Variants in AGBL4 observed in about 807,000 individuals in gnomAD.
The protein encoded by AGBL4 is cytosolic carboxypeptidase 6.
AGBL4 carries 58 observed loss-of-function variants against 66.4 expected under a neutral mutation model. The ratio of observed to expected loss-of-function variants is 0.87; its 90% confidence interval spans 0.71 to 1.09. The LOEUF (loss-of-function observed/expected upper bound fraction) is 1.09. Among genes scored for constraint, AGBL4 ranks in the 50% least tolerant of loss-of-function variants. The pLI is 0.00. For missense variants in AGBL4, 579 were observed against 631.0 expected (o/e 0.92, Z 0.88); for synonymous variants, 234 against 222.9 (o/e 1.05, Z -0.44).
At chr1:49,539,349 A>G (rs896845677) in intron 3 of AGBL4, among the ~76,000 whole-genome samples, 7 of 152,284 alleles carry the variant, frequency 4.6e-5, no homozygotes, top group African/African-American at 1.4e-4. Context: ...TTAATTTCAG[A>G]AATTAGTTTT....
At chr1:49,659,743 T>C (rs1346429608) in intron 3 of AGBL4, among the ~76,000 whole-genome samples, 1 of 152,148 alleles carries the variant, frequency 6.6e-6, no homozygotes, top group Admixed American at 6.6e-5. Context: ...ATTCAAGACT[T>C]GAACTCAGCT....
chr1:49,172,706 CT>C (rs1308570259), intron 4 of AGBL4, among the ~76,000 whole-genome samples: 1 of 152,110 alleles, frequency 6.6e-6, no homozygotes, highest in Non-Finnish European at 1.5e-5. Context: ...AAGATGATGT[CT>C]AAAAGACCAT....
At position 48,593,467 on chromosome 1, in the gene AGBL4, C is replaced by T. The variant is rs181542329; in HGVS notation, c.952-2482G>A. On this transcript the variant is annotated intron_variant, in intron 9 of 13. Transcript: ENST00000371839. ...TACACAATTGTATGTAAAATAAATT[C>T]CTGGCTGGGTGCAGTGGCTCATGCC... is the stretch of plus-strand genomic sequence containing the variant. 3.1e-3 allele frequency among the ~76,000 whole-genome samples: 465 copies of T among 152,190 alleles called. 1 individual carries two copies. The highest frequency in any genetic ancestry group is 7.5e-3 in the South Asian group (36 of 4,830).
At chr1:49,004,720 G>A (rs1045960255) in intron 5 of AGBL4, among the ~76,000 whole-genome samples, 4 of 152,186 alleles carry the variant, frequency 2.6e-5, no homozygotes, top group African/African-American at 9.7e-5. Flanking sequence ...TCTTCCTGAG[G>A]AATTAGTGGA....
chr1:49,738,367 C>T (rs1650087011), intron 2 of AGBL4, among the ~76,000 whole-genome samples: 1 of 152,222 alleles, frequency 6.6e-6, no homozygotes, highest in African/African-American at 2.4e-5. Flanking sequence ...GAGGGGCGCT[C>T]ACCATTGCCC....
intron 2 of AGBL4, among the ~76,000 whole-genome samples, chr1:49,821,511 T>C (rs1266882822): frequency 6.6e-6 from 1 of 152,158 alleles, no homozygotes; most frequent in Admixed American, 6.6e-5. Context: ...GTCCTAAGGA[T>C]GATGTGGGAA....
chr1:48,856,171 A>G (rs1416090598), intron 6 of AGBL4, among the ~76,000 whole-genome samples: 2 of 152,202 alleles, frequency 1.3e-5, no homozygotes, highest in Admixed American at 1.3e-4. Context: ...GTGTTTCTCA[A>G]AATTTGTACA....
At chr1:49,096,239 T>C (rs879341476) in intron 4 of AGBL4, among the ~76,000 whole-genome samples, 123 of 152,090 alleles carry the variant, frequency 8.1e-4, no homozygotes, top group Admixed American at 1.2e-3. Context: ...ACACTGTTGG[T>C]GGGACTGTAA....
chr1:48,643,909 C>T (rs1645796761), intron 8 of AGBL4, among the ~76,000 whole-genome samples: 1 of 152,120 alleles, frequency 6.6e-6, no homozygotes, highest in Admixed American at 6.6e-5. Context: ...TCCTTTTCTG[C>T]TTGTGTCTGG....
chr1:48,733,566 G>C (rs1648502803), intron 6 of AGBL4, among the ~76,000 whole-genome samples: 1 of 152,168 alleles, frequency 6.6e-6, no homozygotes, highest in Non-Finnish European at 1.5e-5. Flanking sequence ...CACACAACTT[G>C]GCAGATGATG....
chr1:49,129,999 C>T (rs1039864907), intron 4 of AGBL4, among the ~76,000 whole-genome samples: 3 of 152,186 alleles, frequency 2.0e-5, no homozygotes, highest in Middle Eastern at 3.4e-3. Context: ...TTTTAATGAT[C>T]ACCTTTCTAA....
intron 6 of AGBL4, chr1:48,818,243 CA>C (rs2148766681): frequency 2.8e-6 from 2 of 717,450 alleles, no homozygotes; most frequent in South Asian, 3.0e-5. Context: ...TAGTTAATTA[CA>C]AAGGCTGTAA....
intron 5 of AGBL4, among the ~76,000 whole-genome samples, chr1:49,043,768 A>G (rs746700154): frequency 5.3e-5 from 8 of 152,314 alleles, no homozygotes; most frequent in East Asian, 1.9e-4. Context: ...CTATGAAATC[A>G]TAGTGCACAC....
chr1:48,607,950 A>G (rs1645177514), intron 9 of AGBL4, among the ~76,000 whole-genome samples: 1 of 152,164 alleles, frequency 6.6e-6, no homozygotes, highest in African/African-American at 2.4e-5. Flanking sequence ...CTGACATTGA[A>G]ACTCAGAGTG....
chr1:50,011,827 G>C (rs879497957), intron 1 of AGBL4, among the ~76,000 whole-genome samples: 1 of 152,176 alleles, frequency 6.6e-6, no homozygotes, highest in African/African-American at 2.4e-5. Flanking sequence ...GTGGGATCTA[G>C]AGATCAAAAT....
intron 2 of AGBL4, among the ~76,000 whole-genome samples, chr1:49,709,154 C>T (rs957186820): frequency 1.3e-5 from 2 of 152,206 alleles, no homozygotes; most frequent in Non-Finnish European, 2.9e-5. Flanking sequence ...AAGCTGTGGC[C>T]ATAGCTGCCC....
chr1:49,753,115 G>A (rs878934368), intron 2 of AGBL4, among the ~76,000 whole-genome samples: 1 of 152,178 alleles, frequency 6.6e-6, no homozygotes, highest in Non-Finnish European at 1.5e-5. Context: ...GTCATATGAT[G>A]CTAGCTGGTT....
intron 1 of AGBL4, among the ~76,000 whole-genome samples, chr1:49,931,107 T>C (rs1653304139): frequency 6.6e-6 from 1 of 152,134 alleles, no homozygotes; most frequent in South Asian, 2.1e-4. Flanking sequence ...TTTCTACATA[T>C]CCGCAATGAA....
At chr1:48,955,788 A>C (rs1256362035) in intron 5 of AGBL4, among the ~76,000 whole-genome samples, 2 of 152,214 alleles carry the variant, frequency 1.3e-5, no homozygotes, top group East Asian at 3.8e-4. Context: ...CCCTGGGAAA[A>C]AGTTTTAGCC....
Sources: gnomAD v4.1 joint callset for allele counts (sites outside exome capture counted in the v4.1 genomes callset) on GRCh38, gnomAD v4.1.1 for gene constraint, MANE v1.5 for transcripts, NCBI Gene and HGNC (gene_info 2026-07-23, HGNC 2026-07-21) for gene names.